Variants in MAGI1 observed in about 807,000 individuals in gnomAD.
MAGI1 encodes the protein membrane-associated guanylate kinase, WW and PDZ domain-containing protein 1.
MAGI1 carries 58 observed loss-of-function variants against 139.9 expected under a neutral mutation model. The observed-to-expected ratio is 0.41, with a 90% CI of 0.34 to 0.52. The LOEUF (loss-of-function observed/expected upper bound fraction) is 0.52. Among genes scored for constraint, MAGI1 ranks in the 20% least tolerant of loss-of-function variants. The pLI is 0.12. For missense variants in MAGI1, 1,874 were observed against 1,901.6 expected (o/e 0.99, Z 0.27); for synonymous variants, 812 against 737.9 (o/e 1.10, Z -1.63).
At chr3:65,908,553 G>A (rs575984073) in intron 1 of MAGI1, among the ~76,000 whole-genome samples, 2 of 152,304 alleles carry the variant, frequency 1.3e-5, no homozygotes, top group African/African-American at 2.4e-5. Context: ...CAAAGTGCTG[G>A]GATTAGAGGC....
chr3:65,409,354 AG>A (rs1945598426), intron 12 of MAGI1, among the ~76,000 whole-genome samples: 1 of 152,110 alleles, frequency 6.6e-6, no homozygotes, highest in Non-Finnish European at 1.5e-5. Context: ...GATATGAAGA[AG>A]GGGGCAGAGG....
chr3:65,385,046 C>T (rs1013112935), intron 14 of MAGI1, among the ~76,000 whole-genome samples: 2 of 152,168 alleles, frequency 1.3e-5, no homozygotes, highest in African/African-American at 4.8e-5. Flanking sequence ...GCCAAAATGA[C>T]TGCTTTACTC....
At chr3:65,852,660 C>T (rs527725575) in intron 1 of MAGI1, among the ~76,000 whole-genome samples, 1 of 152,014 alleles carries the variant, frequency 6.6e-6, no homozygotes, top group Non-Finnish European at 1.5e-5. Flanking sequence ...TGCACCACCA[C>T]GCCTGGCTAA....
In MAGI1 at chr3:65,429,407, T is replaced by C. The variant is rs567961490; in HGVS notation, c.2167+113A>G. ...GTATTTGGAGAAATCAGTAGGCATT[T>C]TGAAACATTTAAATAAATTTAAAAA... On this transcript the variant is annotated intron_variant, in intron 12 of 22. Coordinates refer to ENST00000402939, the MANE Select transcript of MAGI1 (RefSeq NM_001033057.2). The C allele has an allele frequency of 6.9e-6, 8 of 1,160,544 alleles. No homozygotes were observed. The South Asian group carries it at 1.3e-4, about 18-fold the overall frequency. The allele number at this position is 1,160,544 out of a possible 1,614,324, so 71.9% of individuals were successfully genotyped here. A position where few individuals can be genotyped will look rare whatever the true frequency, so the allele number is the denominator to read the frequency against.
At chr3:66,007,870 G>A (rs1244105314) in intron 1 of MAGI1, among the ~76,000 whole-genome samples, 1 of 151,578 alleles carries the variant, frequency 6.6e-6, no homozygotes, top group African/African-American at 2.4e-5. Context: ...CTAGTCCTCT[G>A]GAGCTTATCT....
chr3:65,768,389 C>T (rs1490491487), intron 1 of MAGI1, among the ~76,000 whole-genome samples: 1 of 151,744 alleles, frequency 6.6e-6, no homozygotes, highest in Non-Finnish European at 1.5e-5. Context: ...CACTGGACTC[C>T]AACCTACGTG....
At chr3:65,509,947 AAGG>A (rs1559622361) in intron 2 of MAGI1, among the ~76,000 whole-genome samples, 3 of 152,272 alleles carry the variant, frequency 2.0e-5, no homozygotes, top group South Asian at 2.1e-4. Flanking sequence ...CAGCACGCAG[AAGG>A]AGATCTGAGA....
chr3:65,679,538 A>C (rs975069886), intron 1 of MAGI1, among the ~76,000 whole-genome samples: 3 of 151,984 alleles, frequency 2.0e-5, no homozygotes, highest in African/African-American at 7.3e-5. Context: ...ACTCCAGCCT[A>C]GGTGACAGAG....
intron 2 of MAGI1, among the ~76,000 whole-genome samples, chr3:65,528,279 T>C (rs911755067): frequency 2.0e-5 from 3 of 152,192 alleles, no homozygotes; most frequent in Admixed American, 1.3e-4. Context: ...TCATCCAATA[T>C]TGCAAAATTT....
intron 6 of MAGI1, among the ~76,000 whole-genome samples, chr3:65,452,365 T>C (rs1182827144): frequency 6.6e-6 from 1 of 152,202 alleles, no homozygotes; most frequent in African/African-American, 2.4e-5. Context: ...ACAACCATTC[T>C]GCACTATAGG....
At chr3:65,495,772 G>A (rs1489646260) in intron 2 of MAGI1, among the ~76,000 whole-genome samples, 4 of 152,098 alleles carry the variant, frequency 2.6e-5, no homozygotes, top group Non-Finnish European at 4.4e-5. Flanking sequence ...GCTAGGTGAT[G>A]AGGAAGAGCC....
At chr3:65,469,557 C>T (rs1430454269) in intron 5 of MAGI1, among the ~76,000 whole-genome samples, 1 of 151,252 alleles carries the variant, frequency 6.6e-6, no homozygotes. Context: ...TCTCTCTGTT[C>T]TCAAACCTAA....
intron 1 of MAGI1, among the ~76,000 whole-genome samples, chr3:65,945,695 T>C (rs561287057): frequency 5.3e-5 from 8 of 152,358 alleles, no homozygotes; most frequent in Admixed American, 1.3e-4. Context: ...TCACTTCCGA[T>C]TTCTGTATGT....
At chr3:65,778,172 G>A (rs2038622123) in intron 1 of MAGI1, among the ~76,000 whole-genome samples, 1 of 152,136 alleles carries the variant, frequency 6.6e-6, no homozygotes, top group Non-Finnish European at 1.5e-5. Flanking sequence ...ACTCACGCCT[G>A]TAATCCCAGC....
At chr3:65,691,072 G>T (rs1196913285) in intron 1 of MAGI1, among the ~76,000 whole-genome samples, 2 of 151,988 alleles carry the variant, frequency 1.3e-5, no homozygotes, top group African/African-American at 2.4e-5. Flanking sequence ...GGAGGCCGGG[G>T]CAGGCGGATC....
At chr3:65,538,810 C>T (rs1274040975) in intron 2 of MAGI1, among the ~76,000 whole-genome samples, 2 of 152,148 alleles carry the variant, frequency 1.3e-5, no homozygotes, top group African/African-American at 4.8e-5. Context: ...CTAAGACAAA[C>T]ATACCAACTA....
chr3:65,719,934 C>G (rs1293138305), intron 1 of MAGI1: 1 of 152,184 alleles, frequency 6.6e-6, no homozygotes. Flanking sequence ...ACAAATGCAA[C>G]TTCTTAATTG....
chr3:65,765,687 T>C (rs1475349929), intron 1 of MAGI1, among the ~76,000 whole-genome samples: 2 of 152,192 alleles, frequency 1.3e-5, no homozygotes, highest in Non-Finnish European at 2.9e-5. Context: ...CCTTTTGGAA[T>C]TAATTTTGTA....
chr3:65,660,881 T>A (rs866476586), intron 1 of MAGI1, among the ~76,000 whole-genome samples: 2 of 152,138 alleles, frequency 1.3e-5, no homozygotes, highest in Non-Finnish European at 2.9e-5. Flanking sequence ...ATTACTAGAA[T>A]CTTAATTCTG....
Sources: allele counts gnomAD v4.1 joint callset (sites outside exome capture counted in the v4.1 genomes callset), GRCh38; gene constraint gnomAD v4.1.1; transcripts MANE v1.5; gene names NCBI Gene and HGNC (gene_info 2026-07-23, HGNC 2026-07-21).